RFC1: variants seen among roughly 807,000 people sequenced by gnomAD.
The protein encoded by RFC1 is replication factor C subunit 1, also known as A1 140 kDa subunit.
Under a neutral mutation model 137.4 loss-of-function variants are expected in RFC1, and 37 were observed. The ratio of observed to expected loss-of-function variants is 0.27; its 90% CI spans 0.21 to 0.35. The LOEUF (loss-of-function observed/expected upper bound fraction) is 0.35, where lower values mean the gene tolerates loss of function less well. Among genes scored for constraint, RFC1 ranks in the 10% least tolerant of loss-of-function variants. The pLI is 1.00. For synonymous variants in RFC1, 429 were observed against 455.7 expected (o/e 0.94, Z 0.75); for missense variants, 1,205 against 1,358.5 (o/e 0.89, Z 1.78).
chr4:39,343,543 T>C (rs1000457701), intron 3 of RFC1, among the ~76,000 whole-genome samples: 2 of 152,172 alleles, frequency 1.3e-5, no homozygotes, highest in Non-Finnish European at 2.9e-5. Context: ...TGGTACAAAA[T>C]AGATGTTTCA....
intron 13 of RFC1, 86 bp downstream of exon 13, chr4:39,308,550 A>C: frequency 8.7e-6 from 13 of 1,500,464 alleles, no homozygotes; most frequent in Non-Finnish European, 1.2e-5. Context: ...AGATGAATGA[A>C]TCGTTAGATT....
At chr4:39,351,057 T>A (rs1741161389) in intron 2 of RFC1, among the ~76,000 whole-genome samples, 5 of 151,930 alleles carry the variant, frequency 3.3e-5, no homozygotes, top group Admixed American at 3.3e-4. Context: ...GAGACCATCC[T>A]GGCTAACACG....
At chr4:39,309,747 T>G (rs551598734) in intron 12 of RFC1, among the ~76,000 whole-genome samples, 5 of 152,350 alleles carry the variant, frequency 3.3e-5, no homozygotes, top group Non-Finnish European at 5.9e-5. Context: ...ACAGTGCTAA[T>G]GGTTGTATAC....
chr4:39,366,296 C>A lies in RFC1; in HGVS notation c.-55G>T. ...CTGGCGGGTGGGCCGGTTGAGGAATCTGTTATCGAGGCTCAGGATCCATTC... is the reference window on the plus strand; with the variant it reads ...CTGGCGGGTGGGCCGGTTGAGGAATATGTTATCGAGGCTCAGGATCCATTC... On this transcript the variant is annotated 5_prime_UTR_variant, in exon 1 of 25. Coordinates refer to ENST00000349703, the MANE Select transcript of RFC1 (RefSeq NM_002913.5). The A allele has an allele frequency of 2.0e-6, 3 of 1,508,124 alleles. No individual in the cohort carries two copies. The highest frequency in any genetic ancestry group is 2.6e-5 in the East Asian group (1 of 39,054). The allele number at this position is 1,508,124 out of a possible 1,614,324, so 93.4% of individuals were successfully genotyped here.
chr4:39,342,194 G>A (rs1740632770), intron 4 of RFC1, 151 bp downstream of exon 4: 1 of 915,936 alleles, frequency 1.1e-6, no homozygotes, highest in African/African-American at 1.7e-5. Context: ...AAATGCAAAA[G>A]ATGATCCCAG....
In RFC1 at chr4:39,288,205, T is replaced by G. The variant is rs1046412831; in HGVS notation, c.*556A>C. ...ACAAGATGACAATCTTAAAAAGAAT[T>G]TGTACACATATCATGTGGAACATTT... is the stretch of plus-strand genomic sequence containing the variant. On this transcript the variant is annotated 3_prime_UTR_variant, in exon 25 of 25. Coordinates refer to ENST00000349703, the MANE Select transcript of RFC1 (RefSeq NM_002913.5). The G allele has an allele frequency of 6.6e-6, 1 of 152,208 alleles. No homozygotes were observed. Among genetic ancestry groups the G allele is most frequent in the Non-Finnish European group, 1.5e-5 (1 of 68,052 alleles). The allele number at this position is 152,208 out of a possible 1,614,324, so 9.4% of individuals were successfully genotyped here.
chr4:39,311,658 C>T (rs1441645388), intron 11 of RFC1, 109 bp from the exon 12 acceptor site: 12 of 613,672 alleles, frequency 2.0e-5, no homozygotes, highest in South Asian at 2.6e-5. Flanking sequence ...AAACCACATT[C>T]GTAAATTAAG....
At chr4:39,311,346 A>T in intron 12 of RFC1, 99 bp downstream of exon 12, 1 of 914,160 alleles carries the variant, frequency 1.1e-6, no homozygotes, top group Non-Finnish European at 1.7e-6. Context: ...CAGGGATGTT[A>T]ATCTTTCAGC....
intron 12 of RFC1, among the ~76,000 whole-genome samples, chr4:39,309,556 T>C (rs1738862916): frequency 6.6e-6 from 1 of 152,190 alleles, no homozygotes; most frequent in African/African-American, 2.4e-5. Flanking sequence ...CTATGCTAAG[T>C]GGAAGAAGCC....
chr4:39,366,199 C>G, intron 1 of RFC1, 40 bp downstream of exon 1: 1 of 1,550,542 alleles, frequency 6.4e-7, no homozygotes. Flanking sequence ...TGCAAAGCCC[C>G]CCCAGACCCC....
chr4:39,323,511 A>AC (rs1739623550), intron 6 of RFC1, 94 bp from the exon 7 acceptor site: 4 of 1,017,536 alleles, frequency 3.9e-6, no homozygotes, highest in Non-Finnish European at 6.0e-6. Context: ...AGAAGAAACT[A>AC]GAAAAACATT....
intron 2 of RFC1, among the ~76,000 whole-genome samples, chr4:39,348,430 A>AAGG: frequency 2.5e-5 from 1 of 39,736 alleles, no homozygotes. Flanking sequence ...TTCAAAAAAG[A>AAGG]AAAGAAAAGA....
At chr4:39,300,478 T>A in intron 19 of RFC1, 64 bp from the exon 20 acceptor site, 1 of 1,185,400 alleles carries the variant, frequency 8.4e-7, no homozygotes, top group East Asian at 2.3e-5. Context: ...CATCACCAAA[T>A]GCTAACGAGG....
chr4:39,324,519 A>C (rs901130209), intron 6 of RFC1, among the ~76,000 whole-genome samples: 2 of 152,238 alleles, frequency 1.3e-5, no homozygotes, highest in Non-Finnish European at 1.5e-5. Flanking sequence ...ACTCGCTTGT[A>C]GTTTATGTAA....
At chr4:39,309,204 A>G (rs1296032220) in intron 12 of RFC1, among the ~76,000 whole-genome samples, 172 bp from the exon 13 acceptor site, 2 of 152,212 alleles carry the variant, frequency 1.3e-5, no homozygotes, top group African/African-American at 2.4e-5. Flanking sequence ...CTTCTAAACT[A>G]TAAAAATTAA....
intron 13 of RFC1, among the ~76,000 whole-genome samples, chr4:39,308,119 T>C (rs1243050323): frequency 6.6e-6 from 1 of 152,232 alleles, no homozygotes; most frequent in Non-Finnish European, 1.5e-5. Context: ...TTAGGCTGAC[T>C]GCCCTGCACG....
rs766319975 is a variant in RFC1 at position 39,323,332 on chromosome 4, T to C, written c.720+8A>G. On this transcript the variant is annotated splice_region_variant and intron_variant, in intron 7 of 24. Coordinates refer to ENST00000349703, the MANE Select transcript of RFC1 (RefSeq NM_002913.5). ...ATTCAGAACGCAAATAGCCCAACAT[T>C]ATGCCACCTTTTTGGTCTTGGGTTC... 1.2e-6 allele frequency: 2 copies of C among 1,613,730 alleles called. No homozygotes were observed. The highest frequency in any genetic ancestry group is 1.7e-6 in the Non-Finnish European group (2 of 1,179,700).
intron 21 of RFC1, among the ~76,000 whole-genome samples, chr4:39,297,964 T>C (rs1275602333): frequency 6.6e-6 from 1 of 152,196 alleles, no homozygotes; most frequent in Non-Finnish European, 1.5e-5. Context: ...TGTTAAAACA[T>C]TATGCCTTTA....
intron 2 of RFC1, among the ~76,000 whole-genome samples, chr4:39,348,920 T>C (rs1741045226): frequency 1.3e-5 from 2 of 152,240 alleles, no homozygotes; most frequent in African/African-American, 4.8e-5. Flanking sequence ...GAATTTGCCT[T>C]GCTAGGTTTT....
Sources: allele counts gnomAD v4.1 joint callset (sites outside exome capture counted in the v4.1 genomes callset), GRCh38; gene constraint gnomAD v4.1.1; transcripts MANE v1.5; gene names NCBI Gene and HGNC (gene_info 2026-07-23, HGNC 2026-07-21).